ATF6: variants seen among roughly 807,000 people sequenced by gnomAD.
ATF6 encodes the protein cyclic AMP-dependent transcription factor ATF-6 alpha.
In ATF6, 53 loss-of-function variants were observed where a neutral mutation model predicts 83.6. The ratio of observed to expected loss-of-function variants is 0.63; its 90% CI spans 0.51 to 0.80. The LOEUF (loss-of-function observed/expected upper bound fraction) is 0.80. Among genes scored for constraint, ATF6 ranks in the 30% least tolerant of loss-of-function variants. The probability of loss-of-function intolerance (pLI) is 0.00; values close to 1 mark genes in which losing one functional copy is unlikely to be tolerated. For synonymous variants in ATF6, 288 were observed against 285.8 expected, an observed-to-expected ratio of 1.01 and a Z score of -0.08; for missense variants, 744 against 797.9, an observed-to-expected ratio of 0.93 and a Z score of 0.81.
intron 12 of ATF6, among the ~76,000 whole-genome samples, chr1:161,854,820 C>T (rs1003358839): frequency 3.3e-5 from 5 of 151,198 alleles, no homozygotes; most frequent in African/African-American, 4.9e-5. Flanking sequence ...TGGAGTGAGC[C>T]GAGATCACGC....
intron 7 of ATF6, among the ~76,000 whole-genome samples, chr1:161,811,968 G>A (rs1013165446): frequency 1.3e-5 from 2 of 151,930 alleles, no homozygotes; most frequent in African/African-American, 2.4e-5. Flanking sequence ...TCTGTCAGTC[G>A]ACCAAATATT....
intron 14 of ATF6, among the ~76,000 whole-genome samples, chr1:161,904,600 A>AAAAAAAC (rs1220187274): frequency 2.5e-4 from 37 of 148,880 alleles, no homozygotes; most frequent in African/African-American, 9.2e-4. Context: ...AAAACAAAAC[A>AAAAAAAC]AAAAAACAAA....
Position 161,853,357 on chromosome 1 carries a change from C to T in ATF6, c.1533+34C>T, listed in dbSNP as rs368265110. The T allele has an allele frequency of 1.3e-5, 20 of 1,547,142 alleles. No homozygotes were observed. In the Admixed American group the frequency reaches 1.5e-4, roughly 12 times the overall value. On this transcript the variant is annotated intron_variant, in intron 12 of 15. Coordinates refer to ENST00000367942, the MANE Select transcript of ATF6 (RefSeq NM_007348.4). ...CTGTTTGTCTTTGAACAATAGTTGG[C>T]GTATTTGTTGGAAGGCTTCTCCCAG...
intron 14 of ATF6, among the ~76,000 whole-genome samples, chr1:161,886,045 AG>A (rs545648534): frequency 2.2e-3 from 339 of 152,288 alleles, no homozygotes; most frequent in African/African-American, 7.8e-3. Context: ...TCAAGGAAGG[AG>A]GAGGTAGTAT....
chr1:161,887,192 C>T (rs1385613917), intron 14 of ATF6, among the ~76,000 whole-genome samples: 1 of 151,964 alleles, frequency 6.6e-6, no homozygotes, highest in Non-Finnish European at 1.5e-5. Context: ...CTGCCTAAGC[C>T]TCCCGAGTGG....
chr1:161,935,840 C>G (rs192290459), intron 15 of ATF6, among the ~76,000 whole-genome samples: 1 of 152,252 alleles, frequency 6.6e-6, no homozygotes, highest in Admixed American at 6.5e-5. Flanking sequence ...TGGCAATGCT[C>G]GAGCATTTCT....
chr1:161,933,219 A>G (rs564126904), intron 15 of ATF6, among the ~76,000 whole-genome samples: 1 of 152,192 alleles, frequency 6.6e-6, no homozygotes, highest in Non-Finnish European at 1.5e-5. Context: ...GGAGAATCCA[A>G]AAGTCATGGT....
At chr1:161,844,872 C>A (rs1408162869) in intron 9 of ATF6, among the ~76,000 whole-genome samples, 1 of 152,176 alleles carries the variant, frequency 6.6e-6, no homozygotes, top group Non-Finnish European at 1.5e-5. Context: ...TAAGTTTAGA[C>A]AGACATTCCA....
chr1:161,794,301 A>G (rs571218064), intron 6 of ATF6, among the ~76,000 whole-genome samples: 5 of 152,152 alleles, frequency 3.3e-5, no homozygotes, highest in Non-Finnish European at 5.9e-5. Flanking sequence ...ATGGGGAGGA[A>G]GAAGGGAAGT....
intron 9 of ATF6, among the ~76,000 whole-genome samples, chr1:161,837,863 G>C (rs1686261111): frequency 6.6e-6 from 1 of 152,088 alleles, no homozygotes; most frequent in African/African-American, 2.4e-5. Context: ...TATTCTATTT[G>C]ATATATGGAT....
chr1:161,823,339 T>G (rs1185441318), intron 9 of ATF6, among the ~76,000 whole-genome samples: 4 of 152,124 alleles, frequency 2.6e-5, no homozygotes, highest in Non-Finnish European at 4.4e-5. Context: ...AATATTTTTT[T>G]TGGGGGGAAG....
intron 14 of ATF6, among the ~76,000 whole-genome samples, chr1:161,886,434 A>C (rs563495856): frequency 3.5e-4 from 53 of 152,360 alleles, no homozygotes; most frequent in South Asian, 2.5e-3. Flanking sequence ...AATGGGATAC[A>C]TTCTAGGAAA....
intron 15 of ATF6, among the ~76,000 whole-genome samples, chr1:161,942,254 G>A (rs140004131): frequency 2.3e-4 from 35 of 152,208 alleles, no homozygotes; most frequent in African/African-American, 8.4e-4. Flanking sequence ...CATCCATTGG[G>A]GAGATGAAGA....
intron 14 of ATF6, among the ~76,000 whole-genome samples, chr1:161,908,017 G>A (rs1437375380): frequency 6.6e-6 from 1 of 152,012 alleles, no homozygotes; most frequent in African/African-American, 2.4e-5. Context: ...TTATCTTTTT[G>A]CTCTCTTTTC....
chr1:161,813,205 T>G (rs1685518566), intron 7 of ATF6, among the ~76,000 whole-genome samples: 1 of 152,202 alleles, frequency 6.6e-6, no homozygotes, highest in Non-Finnish European at 1.5e-5. Context: ...GTTTTAAGAT[T>G]TAATTTTTAA....
At chr1:161,907,791 A>G (rs926214998) in intron 14 of ATF6, among the ~76,000 whole-genome samples, 1 of 152,144 alleles carries the variant, frequency 6.6e-6, no homozygotes, top group African/African-American at 2.4e-5. Context: ...TGCAGGGCCA[A>G]TTTCTTTTCT....
intron 6 of ATF6, among the ~76,000 whole-genome samples, chr1:161,801,676 A>G (rs1685152399): frequency 6.6e-6 from 1 of 152,172 alleles, no homozygotes; most frequent in African/African-American, 2.4e-5. Context: ...ATGACTCTCC[A>G]TATTCAGTGT....
chr1:161,777,254 G>T (rs113058868), intron 1 of ATF6, among the ~76,000 whole-genome samples: 1 of 152,178 alleles, frequency 6.6e-6, no homozygotes, highest in Admixed American at 6.5e-5. Context: ...TATATAAGCC[G>T]CAGTCCTCTG....
chr1:161,857,433 G>A (rs1463121270), intron 12 of ATF6, among the ~76,000 whole-genome samples: 1 of 152,100 alleles, frequency 6.6e-6, no homozygotes, highest in Non-Finnish European at 1.5e-5. Flanking sequence ...CCTAGACTTT[G>A]AGTTTTTAGA....
Sources: gnomAD v4.1 joint callset for allele counts (sites outside exome capture counted in the v4.1 genomes callset) on GRCh38, gnomAD v4.1.1 for gene constraint, MANE v1.5 for transcripts, NCBI Gene and HGNC (gene_info 2026-07-23, HGNC 2026-07-21) for gene names.